Variants in LIN28A observed in about 807,000 individuals in gnomAD.
LIN28A encodes the protein lin-28 RNA binding posttranscriptional regulator A, also known as protein lin-28 homolog A.
In LIN28A, 11 loss-of-function variants were observed where a neutral mutation model predicts 21.1. That is an observed-to-expected ratio of 0.52 (90% confidence interval 0.33 to 0.86). The LOEUF is 0.86. Ranked by LOEUF, LIN28A falls within the 40% of genes least tolerant of loss-of-function variation. The probability of loss-of-function intolerance (pLI) is 0.03; values close to 1 mark genes in which losing one functional copy is unlikely to be tolerated. For synonymous variants in LIN28A, 111 were observed against 108.7 expected, an observed-to-expected ratio of 1.02 and a Z score of -0.13; for missense variants, 219 against 279.8, an observed-to-expected ratio of 0.78 and a Z score of 1.55.
In LIN28A at chr1:26,411,535, C is replaced by A. The variant is rs201691216; in HGVS notation, c.181C>A (p.Arg61Ser). 86 of 1,613,840 alleles carry A rather than the reference C, an allele frequency of 5.3e-5. No individual in the cohort carries two copies. Among genetic ancestry groups the A allele is most frequent in the Admixed American group, 1.7e-4 (10 of 59,968 alleles). ...GTTCGGCTTCCTGTCCATGACCGCC[C>A]GCGCCGGGGTCGCGCTCGACCCCCC... ...MGFGFLSMTA[R>S]AGVALDPPVD... The change falls in exon 2 of 4, where the codon CGC becomes AGC. Residue 61 changes from arginine to serine, a missense_variant. By Grantham distance (110) the Arg-to-Ser change is moderately radical (BLOSUM62 -1). Coordinates refer to ENST00000326279, the MANE Select transcript of LIN28A (RefSeq NM_024674.6). This position sits in a 1 kb window ranked among gnomAD's most constrained non-coding sequence, Gnocchi z 5.4.
At chr1:26,416,904 G>A (rs762602019) in intron 2 of LIN28A, among the ~76,000 whole-genome samples, 10 of 152,176 alleles carry the variant, frequency 6.6e-5, no homozygotes, top group Non-Finnish European at 1.0e-4. Context: ...ACAGGCATGA[G>A]CCACCATGAC....
intron 2 of LIN28A, among the ~76,000 whole-genome samples, chr1:26,414,653 G>A (rs1283206474): frequency 1.3e-5 from 2 of 152,202 alleles, no homozygotes; most frequent in Admixed American, 1.3e-4. Flanking sequence ...TAGAGTTAGG[G>A]AAATAGATAG....
chr1:26,420,099 A>G (rs1414325789), intron 2 of LIN28A, among the ~76,000 whole-genome samples: 1 of 152,116 alleles, frequency 6.6e-6, no homozygotes, highest in Non-Finnish European at 1.5e-5. Context: ...CTGGTACCAC[A>G]GGCACATGCC....
intron 2 of LIN28A, among the ~76,000 whole-genome samples, chr1:26,418,617 G>C (rs2075011271): frequency 6.6e-6 from 1 of 151,978 alleles, no homozygotes; most frequent in Non-Finnish European, 1.5e-5. Context: ...GCCCATGTAG[G>C]CTCCCCACAG....
Position 26,411,597 on chromosome 1 carries a change from G to A in LIN28A, c.228+15G>A. On this transcript the variant is annotated intron_variant, in intron 2 of 3. Transcript: ENST00000326279. This position sits in a 1 kb window ranked among gnomAD's most constrained non-coding sequence, Gnocchi z 5.4. The stretch of plus-strand genomic sequence containing the variant: ...TTGTGCACCAGGTGAGACTGATTCC[G>A]GTAACTTTGCCCAGGGAAGGGCGTC... 1.9e-6 allele frequency: 3 copies of A among 1,606,794 alleles called. No homozygotes were observed. The highest frequency in any genetic ancestry group is 1.7e-6 in the Non-Finnish European group (2 of 1,177,932).
rs747617997 is a variant in LIN28A at position 26,425,350 on chromosome 1, A to C, written c.276A>C (p.Ala92=). 21 of 1,614,052 alleles carry C rather than the reference A, an allele frequency of 1.3e-5. No homozygotes were observed. The highest frequency in any genetic ancestry group is 1.6e-5 in the Non-Finnish European group (19 of 1,180,020). ...EGFRSLKEGE[A]VEFTFKKSAK... The stretch of plus-strand genomic sequence containing the variant: ...TCCGGAGCTTGAAGGAGGGTGAGGC[A>C]GTGGAGTTCACCTTTAAGAAGTCAG... Residue 92 remains alanine, a synonymous_variant, in exon 3 of 4, where the codon GCA becomes GCC. Transcript: ENST00000326279.
At position 26,411,790 on chromosome 1, in the gene LIN28A, C is replaced by T. The variant is rs541129933; in HGVS notation, c.228+208C>T. Among the ~76,000 whole-genome samples the T allele has an allele frequency of 3.9e-5, 6 of 152,326 alleles. No homozygotes were observed. The highest frequency in any genetic ancestry group is 1.4e-4 in the African/African-American group (6 of 41,586). On this transcript the variant is annotated intron_variant, in intron 2 of 3. Transcript: ENST00000326279. This position sits in a 1 kb window ranked among gnomAD's most constrained non-coding sequence, Gnocchi z 5.4. ...CAGCACCAATTATCAGCACCCCCGC[C>T]CCCTTCCGGGAACCCCTCCGGCTTA...
Position 26,411,426 on chromosome 1 carries a change from G to A in LIN28A, c.72G>A (p.Ala24=). The change falls in exon 2 of 4, where the codon GCG becomes GCA. Residue 24 remains alanine (A), a synonymous_variant. Coordinates refer to ENST00000326279, the MANE Select transcript of LIN28A (RefSeq NM_024674.6). This position sits in a 1 kb window ranked among gnomAD's most constrained non-coding sequence, Gnocchi z 5.4. ...AKAAEEAPEE[A]PEDAARAADE... ...CGGCAGAAGAGGCGCCCGAGGAGGC[G>A]CCGGAGGACGCGGCCCGGGCGGCGG... is the stretch of plus-strand genomic sequence containing the variant. 6.2e-7 allele frequency: 1 copy of A among 1,605,590 alleles called. No homozygotes were observed. The highest frequency in any genetic ancestry group is 1.1e-5 in the South Asian group (1 of 90,364).
chr1:26,428,327 T>C lies in LIN28A; in HGVS notation c.*1869T>C, dbSNP rs2075072321. ...TGTATTCCCCTTCCCCTATTACCTA[T>C]TAGACCAGATCTTCTGTCCTAAAAA... On this transcript the variant is annotated 3_prime_UTR_variant, in exon 4 of 4. Coordinates refer to ENST00000326279, the MANE Select transcript of LIN28A (RefSeq NM_024674.6). The C allele has an allele frequency of 6.6e-6, 1 of 152,200 alleles. No individual in the cohort carries two copies. Among genetic ancestry groups the C allele is most frequent in the Non-Finnish European group, 1.5e-5 (1 of 68,030 alleles). The allele number at this position is 152,200 out of a possible 1,614,324, so 9.4% of individuals were successfully genotyped here.
intron 2 of LIN28A, among the ~76,000 whole-genome samples, chr1:26,421,158 T>G (rs1452401241): frequency 6.6e-6 from 1 of 152,210 alleles, no homozygotes; most frequent in East Asian, 1.9e-4. Context: ...TTGCTTTTTG[T>G]TTTTTCTTTT....
chr1:26,415,216 T>C (rs1402630060), intron 2 of LIN28A, among the ~76,000 whole-genome samples: 1 of 152,190 alleles, frequency 6.6e-6, no homozygotes, highest in East Asian at 1.9e-4. Flanking sequence ...AGAAAAGGTT[T>C]TCAATACCTA....
rs2075060275 is a variant in LIN28A, at chr1:26,426,463, C to T, written c.*5C>T. 6.2e-6 allele frequency: 10 copies of T among 1,610,100 alleles called. No homozygotes were observed. Among genetic ancestry groups the T allele is most frequent in the Non-Finnish European group, 8.5e-6 (10 of 1,176,388 alleles). On this transcript the variant is annotated 3_prime_UTR_variant, in exon 4 of 4. Coordinates refer to ENST00000326279, the MANE Select transcript of LIN28A (RefSeq NM_024674.6). ...CTCCCGGAGGCACAGAATTGAGCCA[C>T]AATGGGTGGGGGCTATTCTTTTGCT...
chr1:26,415,224 C>T (rs1332403287), intron 2 of LIN28A, among the ~76,000 whole-genome samples: 2 of 152,136 alleles, frequency 1.3e-5, no homozygotes, highest in African/African-American at 2.4e-5. Flanking sequence ...TTTTCAATAC[C>T]TAGACAACTG....
intron 2 of LIN28A, among the ~76,000 whole-genome samples, chr1:26,417,901 C>T (rs754054371): frequency 3.9e-5 from 6 of 152,092 alleles, no homozygotes; most frequent in Non-Finnish European, 5.9e-5. Flanking sequence ...TAGCCTCTTG[C>T]GGAAGAGCCA....
intron 2 of LIN28A, among the ~76,000 whole-genome samples, chr1:26,418,799 G>T (rs561658422): frequency 6.6e-6 from 1 of 152,216 alleles, no homozygotes; most frequent in Non-Finnish European, 1.5e-5. Context: ...CCAGAGAAGG[G>T]AGATGGCTGC....
chr1:26,425,452 A>G lies in LIN28A; in HGVS notation c.378A>G (p.Gly126=). 1 of 1,614,102 alleles carries G rather than the reference A, an allele frequency of 6.2e-7. No homozygotes were observed. The highest frequency in any genetic ancestry group is 8.5e-7 in the Non-Finnish European group (1 of 1,179,988). ...TTGGGAGTGAGAGGCGGCCAAAAGG[A>G]AAGAGCATGCAGAAGCGCAGATCAA... ...FCIGSERRPK[G]KSMQKRRSKG... The change falls in exon 3 of 4, where the codon GGA becomes GGG. Residue 126 remains glycine (G), a synonymous_variant. Coordinates refer to ENST00000326279, the MANE Select transcript of LIN28A (RefSeq NM_024674.6).
chr1:26,418,343 G>A (rs932893936), intron 2 of LIN28A, among the ~76,000 whole-genome samples: 27 of 152,052 alleles, frequency 1.8e-4, no homozygotes, highest in Non-Finnish European at 3.5e-4. Flanking sequence ...TCAGGAGATC[G>A]AGACCATCCT....
intron 2 of LIN28A, among the ~76,000 whole-genome samples, chr1:26,424,372 G>C (rs538335048): frequency 2.8e-4 from 43 of 152,148 alleles, no homozygotes; most frequent in African/African-American, 9.6e-4. Context: ...TGCCCAAGTA[G>C]CTGGGATTAC....
At chr1:26,419,641 G>C (rs541904238) in intron 2 of LIN28A, among the ~76,000 whole-genome samples, 7 of 152,142 alleles carry the variant, frequency 4.6e-5, no homozygotes, top group Non-Finnish European at 1.0e-4. Flanking sequence ...ATGTGTAGCA[G>C]GCGAAGTGCT....
Sources: gnomAD v4.1 joint callset for allele counts (sites outside exome capture counted in the v4.1 genomes callset) on GRCh38, gnomAD v4.1.1 for gene constraint, Gnocchi (gnomAD v3.1) non-coding constraint, MANE v1.5 for transcripts, NCBI Gene and HGNC (gene_info 2026-07-23, HGNC 2026-07-21) for gene names.